PDK1: variants seen among roughly 807,000 people sequenced by gnomAD.
PDK1 encodes the protein pyruvate dehydrogenase kinase 1.
A neutral mutation model predicts 54.2 loss-of-function variants in PDK1; 39 were observed. The observed-to-expected ratio is 0.72, with a 90% CI of 0.56 to 0.94. PDK1 has a LOEUF of 0.94. Among genes scored for constraint, PDK1 ranks in the 40% least tolerant of loss-of-function variants. The pLI, the probability that PDK1 is intolerant of heterozygous loss-of-function variation, is 0.00. For synonymous variants in PDK1, 221 were observed against 207.1 expected (o/e 1.07, Z -0.58); for missense variants, 552 against 566.0 (o/e 0.98, Z 0.25).
the PDK1 span, among the ~76,000 whole-genome samples, chr2:172,707,687 T>G: frequency 6.6e-6 from 1 of 152,226 alleles, no homozygotes; most frequent in East Asian, 1.9e-4. Flanking sequence ...GTTCAAGGTT[T>G]TGGGTTATAC....
chr2:172,555,956 T>A, upstream of PDK1: 1 of 400,930 alleles, frequency 2.5e-6, no homozygotes. Context: ...GCCCGCCCCT[T>A]TTCTCTCCCC....
chr2:172,664,181 C>T, the PDK1 span, among the ~76,000 whole-genome samples: 3 of 151,624 alleles, frequency 2.0e-5, no homozygotes, highest in Admixed American at 2.0e-4. Flanking sequence ...CATGGTGGCA[C>T]GCACCTGTAA....
chr2:172,646,126 C>T, the PDK1 span, among the ~76,000 whole-genome samples: 7 of 152,142 alleles, frequency 4.6e-5, no homozygotes, highest in Admixed American at 3.9e-4. Context: ...GAAGGGTTTG[C>T]TGTGGATAGA....
rs1691316245 is a variant in PDK1, at chr2:172,606,883, A to G, written c.*10914A>G. ...TTCCAAAACATTTTTATCACCCTAA[A>G]AGGAAACCTTGCACCCATTAAACAG... On this transcript the variant is annotated 3_prime_UTR_variant, in exon 11 of 11. Coordinates refer to ENST00000282077, the MANE Select transcript of PDK1 (RefSeq NM_002610.5). 6.6e-6 allele frequency: 1 copy of G among 152,128 alleles called. No individual in the cohort carries two copies. The highest frequency in any genetic ancestry group is 2.1e-4 in the South Asian group (1 of 4,828). 9.4% of individuals were successfully genotyped at this position (152,128 alleles called of 1,614,324 possible).
At chr2:172,662,211 G>A in the PDK1 span, among the ~76,000 whole-genome samples, 1 of 152,024 alleles carries the variant, frequency 6.6e-6, no homozygotes, top group African/African-American at 2.4e-5. Context: ...AACTCATGGT[G>A]GAACTACACT....
the PDK1 span, among the ~76,000 whole-genome samples, chr2:172,622,681 TATG>T: frequency 8.8e-5 from 11 of 124,842 alleles, no homozygotes; most frequent in African/African-American, 3.0e-4. Context: ...TCTCATATAT[TATG>T]TGAGATATGT....
the PDK1 span, among the ~76,000 whole-genome samples, chr2:172,664,112 G>A: frequency 1.3e-5 from 2 of 151,520 alleles, no homozygotes; most frequent in South Asian, 2.1e-4. Flanking sequence ...GGGAGTTCGC[G>A]ACCAGCCTGG....
At chr2:172,664,565 T>G in the PDK1 span, among the ~76,000 whole-genome samples, 2 of 152,232 alleles carry the variant, frequency 1.3e-5, no homozygotes, top group South Asian at 4.1e-4. Flanking sequence ...GACATAGGTC[T>G]TTTCCCACTC....
chr2:172,625,214 A>G, the PDK1 span, among the ~76,000 whole-genome samples: 2 of 152,210 alleles, frequency 1.3e-5, no homozygotes, highest in Non-Finnish European at 2.9e-5. Flanking sequence ...ATTCTGACTA[A>G]TACAGTAGCC....
At chr2:172,570,664 G>T in intron 7 of PDK1, 62 bp from the exon 8 acceptor site, 1 of 986,920 alleles carries the variant, frequency 1.0e-6, no homozygotes, top group Admixed American at 2.0e-5. Context: ...ATATGTACTT[G>T]AAAATTACAC....
At chr2:172,560,965 G>A (rs147111878) in intron 2 of PDK1, among the ~76,000 whole-genome samples, 2 of 152,294 alleles carry the variant, frequency 1.3e-5, no homozygotes, top group African/African-American at 4.8e-5. Flanking sequence ...CTTTTTGTAA[G>A]CATTATAGCG....
At chr2:172,589,833 T>C (rs1690473357) in intron 9 of PDK1, among the ~76,000 whole-genome samples, 1 of 152,246 alleles carries the variant, frequency 6.6e-6, no homozygotes, top group Non-Finnish European at 1.5e-5. Flanking sequence ...TTTTGTTTTG[T>C]ATTAAGGAAT....
the PDK1 span, among the ~76,000 whole-genome samples, chr2:172,659,340 A>C: frequency 1.3e-5 from 2 of 152,208 alleles, no homozygotes; most frequent in African/African-American, 4.8e-5. Context: ...TAACTACCCT[A>C]GCCCAAGGCC....
At chr2:172,659,003 T>C in the PDK1 span, among the ~76,000 whole-genome samples, 1 of 152,224 alleles carries the variant, frequency 6.6e-6, no homozygotes, top group Non-Finnish European at 1.5e-5. Context: ...ATGTGATCTT[T>C]GTTCTCCTTT....
At chr2:172,616,603 A>C in the PDK1 span, among the ~76,000 whole-genome samples, 24 of 152,248 alleles carry the variant, frequency 1.6e-4, no homozygotes, top group Non-Finnish European at 2.8e-4. Flanking sequence ...ACATAGGTGA[A>C]TGAATGGTAT....
At chr2:172,722,137 G>A in the PDK1 span, among the ~76,000 whole-genome samples, 1 of 152,260 alleles carries the variant, frequency 6.6e-6, no homozygotes, top group African/African-American at 2.4e-5. Context: ...AATGCCCACA[G>A]TGATGTGGGA....
chr2:172,560,457 C>T (rs981281069), intron 2 of PDK1, among the ~76,000 whole-genome samples: 2 of 152,190 alleles, frequency 1.3e-5, no homozygotes, highest in East Asian at 1.9e-4. Context: ...CATGAGCCAC[C>T]GCACCTGGCA....
chr2:172,684,043 G>A, the PDK1 span, among the ~76,000 whole-genome samples: 1 of 152,230 alleles, frequency 6.6e-6, no homozygotes, highest in Non-Finnish European at 1.5e-5. Context: ...GAAATGGTAA[G>A]TTGGGAAATA....
At chr2:172,673,834 T>G in the PDK1 span, among the ~76,000 whole-genome samples, 1 of 152,182 alleles carries the variant, frequency 6.6e-6, no homozygotes, top group East Asian at 1.9e-4. Flanking sequence ...TCCCATGAAT[T>G]ACATGGTTAA....
Sources: allele counts gnomAD v4.1 joint callset (sites outside exome capture counted in the v4.1 genomes callset), GRCh38; gene constraint gnomAD v4.1.1; transcripts MANE v1.5; gene names NCBI Gene and HGNC (gene_info 2026-07-23, HGNC 2026-07-21).